The following STON1 variants were observed in gnomAD, a reference collection of about 807,000 sequenced individuals.
STON1 encodes the protein stonin 1, also known as stonin-1.
Under a neutral mutation model 60.9 loss-of-function variants are expected in STON1, and 79 were observed. That is an observed-to-expected ratio of 1.30 (90% CI 1.08 to 1.56). The LOEUF (loss-of-function observed/expected upper bound fraction) is 1.56. STON1 is among the 40% of genes most tolerant of loss of function. The pLI, the probability that STON1 is intolerant of heterozygous loss-of-function variation, is 0.00. For missense variants in STON1, 1,166 were observed against 858.9 expected (o/e 1.36, Z -4.47); for synonymous variants, 363 against 306.9 (o/e 1.18, Z -1.91).
intron 3 of STON1, among the ~76,000 whole-genome samples, chr2:48,593,225 C>T (rs977831408): frequency 7.5e-6 from 1 of 133,456 alleles, no homozygotes; most frequent in African/African-American, 2.5e-5. Flanking sequence ...AAGTAATTCT[C>T]CTGCCTCAGC....
intron 1 of STON1, among the ~76,000 whole-genome samples, chr2:48,537,003 A>C (rs1671458368): frequency 6.6e-6 from 1 of 152,202 alleles, no homozygotes; most frequent in Admixed American, 6.5e-5. Context: ...TTCTCTTATT[A>C]GTTCTAATAG....
intron 1 of STON1, 49 bp from the exon 2 acceptor site, chr2:48,580,538 C>G: frequency 7.7e-7 from 1 of 1,299,306 alleles, no homozygotes; most frequent in Non-Finnish European, 9.9e-7. Flanking sequence ...TAATGATTCC[C>G]CCCTTCATTT....
At position 48,581,715 on chromosome 2, in the gene STON1, A is replaced by G; in HGVS notation, c.1082A>G (p.His361Arg). The change falls in exon 2 of 4, where the codon CAT (histidine) becomes CGT (arginine). Residue 361 changes from histidine (H) to arginine (R), a missense_variant. By Grantham distance (29) the His-to-Arg change is conservative (BLOSUM62 0). Coordinates refer to ENST00000404752, the MANE Select transcript of STON1 (RefSeq NM_006873.4). The part of the protein sequence containing the change: ...HVSYTEKRKY[H>R]SKTEVVHEPD... ...TCTTACACAGAAAAAAGGAAATACC[A>G]TTCTAAGACAGAAGTAGTTCATGAA... is the stretch of plus-strand genomic sequence containing the variant. 1.2e-6 allele frequency: 2 copies of G among 1,611,024 alleles called. No individual in the cohort carries two copies. Among genetic ancestry groups the G allele is most frequent in the East Asian group, 2.2e-5 (1 of 44,876 alleles).
intron 2 of STON1, among the ~76,000 whole-genome samples, chr2:48,587,230 C>A (rs530762115): frequency 6.6e-6 from 1 of 152,208 alleles, no homozygotes; most frequent in Non-Finnish European, 1.5e-5. Context: ...ATCATTCCTC[C>A]CTGCTCTGCA....
chr2:48,598,220 A>G lies in STON1; in HGVS notation c.*2918A>G, dbSNP rs897800891. On this transcript the variant is annotated 3_prime_UTR_variant, in exon 4 of 4. Coordinates refer to ENST00000404752, the MANE Select transcript of STON1 (RefSeq NM_006873.4). The stretch of plus-strand genomic sequence containing the variant: ...TCCACTAAAAAAAGATATGTAAAAA[A>G]GATACTTTCCAGCACATAAATAAAG... 3.3e-5 allele frequency: 5 copies of G among 152,374 alleles called. No individual in the cohort carries two copies. Among genetic ancestry groups the G allele is most frequent in the African/African-American group, 1.2e-4 (5 of 41,570 alleles). 9.4% of individuals were successfully genotyped at this position (152,374 alleles called of 1,614,324 possible).
At chr2:48,549,172 TAGACTCAGTA>T (rs777100019) in intron 1 of STON1, among the ~76,000 whole-genome samples, 15 of 152,188 alleles carry the variant, frequency 9.9e-5, no homozygotes, top group Non-Finnish European at 1.9e-4. Flanking sequence ...CAGGCCTCCA[TAGACTCAGTA>T]AGACCACACT....
chr2:48,562,103 C>T (rs1672637870), intron 1 of STON1, among the ~76,000 whole-genome samples: 1 of 152,202 alleles, frequency 6.6e-6, no homozygotes, highest in African/African-American at 2.4e-5. Context: ...TTAAGTAATC[C>T]ACCCACCTTG....
chr2:48,558,144 A>C (rs555816212), intron 1 of STON1, among the ~76,000 whole-genome samples: 2 of 152,188 alleles, frequency 1.3e-5, no homozygotes, highest in African/African-American at 2.4e-5. Context: ...AATCGCTTGA[A>C]CCCGGGAGGC....
chr2:48,573,657 A>C (rs775442922), intron 1 of STON1, among the ~76,000 whole-genome samples: 36 of 152,246 alleles, frequency 2.4e-4, no homozygotes, highest in Non-Finnish European at 4.3e-4. Flanking sequence ...ACCTGTATTC[A>C]AATCCTGGTT....
At chr2:48,555,421 C>T (rs530732744) in intron 1 of STON1, among the ~76,000 whole-genome samples, 5,224 of 74,174 alleles carry the variant, frequency 0.07, 409 homozygotes, top group Non-Finnish European at 0.11. Flanking sequence ...CCTCACCTAC[C>T]GGACGGGGCC....
At chr2:48,531,131 A>G (rs887176611) in intron 1 of STON1, 3 of 152,196 alleles carry the variant, frequency 2.0e-5, no homozygotes, top group African/African-American at 7.2e-5. Context: ...CCTGGGAGAT[A>G]GAAGTTCAGT....
At chr2:48,558,410 G>C (rs1672472590) in intron 1 of STON1, among the ~76,000 whole-genome samples, 1 of 152,170 alleles carries the variant, frequency 6.6e-6, no homozygotes, top group African/African-American at 2.4e-5. Context: ...GACATTTCCA[G>C]GTGAGCATGA....
chr2:48,544,574 C>T (rs1671786502), intron 1 of STON1, among the ~76,000 whole-genome samples: 1 of 152,120 alleles, frequency 6.6e-6, no homozygotes, highest in South Asian at 2.1e-4. Context: ...GAGACAGAGT[C>T]TTGCTCTGTT....
chr2:48,542,544 A>G (rs1340358827), intron 1 of STON1, among the ~76,000 whole-genome samples: 2 of 152,220 alleles, frequency 1.3e-5, no homozygotes, highest in Non-Finnish European at 2.9e-5. Flanking sequence ...ATGCTCACAA[A>G]TGTTAGTTTC....
rs1398899853 is a variant in STON1 at position 48,581,608 on chromosome 2, T to G, written c.975T>G (p.Asp325Glu). ...LEKPFKEIQL[D>E]PYCRLSEPKV... is the part of the protein sequence containing the mutation. ...AACCATTTAAAGAGATACAGCTTGATCCATATTGTAGGCTTTCTGAACCCA... is the reference window on the plus strand; with the variant it reads ...AACCATTTAAAGAGATACAGCTTGAGCCATATTGTAGGCTTTCTGAACCCA... The change falls in exon 2 of 4, where the codon GAT (aspartate) becomes GAG (glutamate). Residue 325 changes from aspartate (D) to glutamate (E), a missense_variant. Transcript: ENST00000404752. 6.2e-7 allele frequency: 1 copy of G among 1,614,208 alleles called. No homozygotes were observed. Among genetic ancestry groups the G allele is most frequent in the Non-Finnish European group, 8.5e-7 (1 of 1,180,050 alleles).
chr2:48,581,742 C>A lies in STON1; in HGVS notation c.1109C>A (p.Pro370His). Residue 370 changes from proline (P) to histidine (H), a missense_variant, in exon 2 of 4, where the codon CCT (proline) becomes CAT (histidine). Physicochemically the swap from Pro to His is moderately conservative, Grantham distance 77 (BLOSUM62 -2). Coordinates refer to ENST00000404752, the MANE Select transcript of STON1 (RefSeq NM_006873.4). ...TCTAAGACAGAAGTAGTTCATGAACCTGACATAGAGCAGATGCTGAAGTTG... is the reference window on the plus strand; with the variant it reads ...TCTAAGACAGAAGTAGTTCATGAACATGACATAGAGCAGATGCTGAAGTTG... ...YHSKTEVVHE[P>H]DIEQMLKLGS... The A allele has an allele frequency of 6.2e-7, 1 of 1,612,194 alleles. No individual in the cohort carries two copies.
intron 1 of STON1, among the ~76,000 whole-genome samples, chr2:48,542,971 CTT>C (rs761874001): frequency 0.021 from 2,187 of 105,452 alleles, 27 homozygotes; most frequent in African/African-American, 0.049. Flanking sequence ...AATATCTTGA[CTT>C]TTTTTTTTTT....
chr2:48,578,581 C>CTTTTTTTTTTTTTTTTTTTT lies in STON1; in HGVS notation c.-47-2000_-47-1981dup, dbSNP rs59933765. ...CTTCTCCTCCTCCTCCTCCTCCTTC[C>CTTTTTTTTTTTTTTTTTTTT]TTTTTTTTTTTTTTTTTTTTTTTTT... is the stretch of plus-strand genomic sequence containing the variant. On this transcript the variant is annotated intron_variant, in intron 1 of 3. Transcript: ENST00000404752. 2.1e-3 allele frequency among the ~76,000 whole-genome samples: 95 copies of CTTTTTTTTTTTTTTTTTTTT among 46,168 alleles called. 6 individuals are homozygous for CTTTTTTTTTTTTTTTTTTTT. The highest frequency in any genetic ancestry group is 2.2e-3 in the Non-Finnish European group (61 of 28,214). The allele number at this position is 46,168 out of a possible 152,430, so 30.3% of individuals were successfully genotyped here. A position where few individuals can be genotyped will look rare whatever the true frequency, so the allele number is the denominator to read the frequency against.
At chr2:48,569,969 G>T (rs1481083058) in intron 1 of STON1, among the ~76,000 whole-genome samples, 1 of 152,138 alleles carries the variant, frequency 6.6e-6, no homozygotes, top group Non-Finnish European at 1.5e-5. Flanking sequence ...AATATTTAAG[G>T]TATTGCTGTT....
Sources: gnomAD v4.1 joint callset for allele counts (sites outside exome capture counted in the v4.1 genomes callset) on GRCh38, gnomAD v4.1.1 for gene constraint, MANE v1.5 for transcripts, NCBI Gene and HGNC (gene_info 2026-07-23, HGNC 2026-07-21) for gene names.